The following APMAP variants were observed in gnomAD, a reference collection of about 807,000 sequenced individuals.
The protein encoded by APMAP is adipocyte plasma membrane associated protein.
Under a neutral mutation model 43.6 loss-of-function variants are expected in APMAP, and 33 were observed. The observed-to-expected ratio is 0.76, with a 90% CI of 0.57 to 1.01. APMAP has a LOEUF of 1.01. Ranked by LOEUF, APMAP falls within the 50% of genes least tolerant of loss-of-function variation. APMAP has a pLI of 0.00. For synonymous variants in APMAP, 224 were observed against 216.7 expected (o/e 1.03, Z -0.30); for missense variants, 498 against 540.7 (o/e 0.92, Z 0.78).
In APMAP at chr20:24,978,810, A is replaced by T; in HGVS notation, c.285T>A (p.Phe95Leu). ...ACTCCGGTCCAACAAGTTGATTTTCAAACAGCCTTTCTGCCTGTCGCAGCT... is the reference window on the plus strand; with the variant it reads ...ACTCCGGTCCAACAAGTTGATTTTCTAACAGCCTTTCTGCCTGTCGCAGCT... Reference protein sequence around the residue: ...NTKLRQAERLFENQLVGPESI... With the variant: ...NTKLRQAERLLENQLVGPESI... The change falls in exon 3 of 9, where the codon TTT becomes TTA. Residue 95 changes from phenylalanine (F) to leucine (L), a missense_variant. Coordinates refer to ENST00000217456, the MANE Select transcript of APMAP (RefSeq NM_020531.3). The T allele has an allele frequency of 6.2e-7, 1 of 1,602,184 alleles. No homozygotes were observed. Among genetic ancestry groups the T allele is most frequent in the Non-Finnish European group, 8.5e-7 (1 of 1,173,520 alleles).
chr20:24,992,612 G>C lies in APMAP; in HGVS notation c.77C>G (p.Pro26Arg). The change falls in exon 1 of 9, where the codon CCG becomes CGG. Residue 26 changes from proline (P) to arginine (R), a missense_variant. Coordinates refer to ENST00000217456, the MANE Select transcript of APMAP (RefSeq NM_020531.3). Reference sequence around the variant, plus strand: ...GCCCTACCTGCCGTCCTTAGCCTCCGGGGCCTGGCCATCATCGTCTGTGAC... The same window carrying C: ...GCCCTACCTGCCGTCCTTAGCCTCCCGGGCCTGGCCATCATCGTCTGTGAC... ...QVVTDDDGQA[P>R]EAKDGSSFSG... The C allele has an allele frequency of 6.4e-7, 1 of 1,564,806 alleles. No homozygotes were observed. The highest frequency in any genetic ancestry group is 8.7e-7 in the Non-Finnish European group (1 of 1,155,320).
At chr20:24,977,579 C>T (rs1333302382) in intron 3 of APMAP, among the ~76,000 whole-genome samples, 1 of 152,078 alleles carries the variant, frequency 6.6e-6, no homozygotes, top group Non-Finnish European at 1.5e-5. Flanking sequence ...CAGAGAGGAC[C>T]CCACTGTGCC....
chr20:24,969,580 G>GACAGCTGGACTCCATTCGGGAACC lies in APMAP; in HGVS notation c.770_793dup (p.Leu264_Ser265insTrpPheProAsnGlyValGlnLeu), dbSNP rs1228814898. On this transcript the variant is annotated inframe_insertion, in exon 7 of 9. Transcript: ENST00000217456. ...CACCAGGACAAAGTCTTCTGCAGGA[G>GACAGCTGGACTCCATTCGGGAACC]ACAGCTGGACTCCATTCGGGAACCG... The GACAGCTGGACTCCATTCGGGAACC allele has an allele frequency of 6.2e-7, 1 of 1,614,046 alleles. No individual in the cohort carries two copies. The highest frequency in any genetic ancestry group is 2.2e-5 in the East Asian group (1 of 44,874).
intron 6 of APMAP, 69 bp downstream of exon 6, chr20:24,970,128 C>G: frequency 7.7e-6 from 12 of 1,563,908 alleles, no homozygotes; most frequent in Non-Finnish European, 1.1e-5. Flanking sequence ...CTAGAAGTAA[C>G]AGGCTCTGCT....
In APMAP at chr20:24,971,581, A is replaced by G. The variant is rs1466024261; in HGVS notation, c.422-5T>C. On this transcript the variant is annotated splice_region_variant and splice_polypyrimidine_tract_variant and intron_variant, in intron 4 of 8. Coordinates refer to ENST00000217456, the MANE Select transcript of APMAP (RefSeq NM_020531.3). ...CAGGCTCATCATCTCGGGTTTCTAG[A>G]AAAACAAACAGATGGGGATTGGTAG... is the stretch of plus-strand genomic sequence containing the variant. 1.2e-6 allele frequency: 2 copies of G among 1,611,500 alleles called. No individual in the cohort carries two copies. The highest frequency in any genetic ancestry group is 1.7e-6 in the Non-Finnish European group (2 of 1,177,652).
chr20:24,983,496 G>A (rs957341086), intron 2 of APMAP, among the ~76,000 whole-genome samples: 13 of 152,148 alleles, frequency 8.5e-5, no homozygotes, highest in Admixed American at 8.5e-4. Flanking sequence ...ATCTCTATCG[G>A]TGAAAGGTAA....
In APMAP at chr20:24,969,671, C is replaced by T; in HGVS notation, c.714-11G>A. ...TCATACTCCAGCAGGCTGTGGAACA[C>T]CAAAAGCAGAGGGTTATGGGGGAGA... is the stretch of plus-strand genomic sequence containing the variant. On this transcript the variant is annotated splice_polypyrimidine_tract_variant and intron_variant, in intron 6 of 8. Transcript: ENST00000217456. 1 of 1,606,688 alleles carries T rather than the reference C, an allele frequency of 6.2e-7. No homozygotes were observed. Among genetic ancestry groups the T allele is most frequent in the Non-Finnish European group, 8.5e-7 (1 of 1,174,442 alleles).
Position 24,969,031 on chromosome 20 carries a change from A to G in APMAP, c.902T>C (p.Met301Thr). The G allele has an allele frequency of 6.2e-7, 1 of 1,613,972 alleles. No individual in the cohort carries two copies. The highest frequency in any genetic ancestry group is 8.5e-7 in the Non-Finnish European group (1 of 1,179,976). The change falls in exon 8 of 9, where the codon ATG becomes ACG. Residue 301 changes from methionine (M) to threonine (T), a missense_variant. Physicochemically the swap from Met to Thr is moderately conservative, Grantham distance 81. Coordinates refer to ENST00000217456, the MANE Select transcript of APMAP (RefSeq NM_020531.3). Reference sequence around the variant, plus strand: ...CCGGATGTTGTCTGGAAATCCAGGCATGTTCTCCACAAACAGATCAGCCCC... The same window carrying G: ...CCGGATGTTGTCTGGAAATCCAGGCGTGTTCTCCACAAACAGATCAGCCCC... ...KGGADLFVEN[M>T]PGFPDNIRPS...
At chr20:24,964,077 G>A (rs762767449) in intron 8 of APMAP, 55 bp from the exon 9 acceptor site, 90 of 1,568,222 alleles carry the variant, frequency 5.7e-5, no homozygotes, top group Non-Finnish European at 7.5e-5. Context: ...AACACTGTGC[G>A]CAGATCAACC....
intron 1 of APMAP, among the ~76,000 whole-genome samples, chr20:24,989,011 A>G (rs2088170130): frequency 1.3e-5 from 2 of 151,884 alleles, no homozygotes; most frequent in Admixed American, 6.6e-5. Context: ...CCCAAGGTCC[A>G]TTAACTTTTC....
intron 1 of APMAP, among the ~76,000 whole-genome samples, chr20:24,988,318 T>G (rs1468705674): frequency 6.6e-6 from 1 of 152,220 alleles, no homozygotes; most frequent in Non-Finnish European, 1.5e-5. Context: ...AGCTTATATT[T>G]TTAAAATCTT....
chr20:24,989,466 C>CA (rs1026202879), intron 1 of APMAP, among the ~76,000 whole-genome samples: 9 of 152,282 alleles, frequency 5.9e-5, no homozygotes, highest in African/African-American at 2.2e-4. Context: ...ACTCTGCACA[C>CA]AGGACATTAG....
At chr20:24,983,860 A>G (rs1281909020) in intron 2 of APMAP, 43 bp downstream of exon 2, 6 of 1,364,496 alleles carry the variant, frequency 4.4e-6, no homozygotes, top group Admixed American at 2.0e-5. Flanking sequence ...AGCCTATTAC[A>G]TTTTGTCAAG....
Position 24,963,988 on chromosome 20 carries a change from G to C in APMAP, c.1076C>G (p.Pro359Arg). Residue 359 changes from proline to arginine, a missense_variant, in exon 9 of 9, where the codon CCG becomes CGG. Physicochemically the swap from Pro to Arg is moderately radical, Grantham distance 103. Transcript: ENST00000217456. Reference sequence around the variant, plus strand: ...GAGTTCTAGGACGAGGCTGTACCGCGGCACAAACTTCATCACCGTCTCTTG... The same window carrying C: ...GAGTTCTAGGACGAGGCTGTACCGCCGCACAAACTTCATCACCGTCTCTTG... ...FSQETVMKFV[P>R]RYSLVLELSD... 2 of 1,614,202 alleles carry C rather than the reference G, an allele frequency of 1.2e-6. No individual in the cohort carries two copies. Among genetic ancestry groups the C allele is most frequent in the South Asian group, 2.2e-5 (2 of 91,080 alleles).
intron 1 of APMAP, among the ~76,000 whole-genome samples, chr20:24,984,696 T>C (rs901415387): frequency 2.6e-5 from 4 of 152,262 alleles, no homozygotes; most frequent in African/African-American, 9.6e-5. Context: ...TGGGAAGATA[T>C]GAAAGCTTCC....
At position 24,969,076 on chromosome 20, in the gene APMAP, A is replaced by C. The variant is rs2087973859; in HGVS notation, c.857T>G (p.Val286Gly). 6.3e-7 allele frequency: 1 copy of C among 1,586,334 alleles called. No homozygotes were observed. The highest frequency in any genetic ancestry group is 8.6e-7 in the Non-Finnish European group (1 of 1,167,788). ...TTMARIRRVY[V>G]SGLMKGGADL... The stretch of plus-strand genomic sequence containing the variant: ...AGCCCCGCCCTTCATCAGGCCAGAA[A>C]CGTAGACTCTGAAAAATTCACCCAA... Residue 286 changes from valine to glycine, a missense_variant, in exon 8 of 9, where the codon GTT becomes GGT. Val to Gly is a moderately radical substitution (Grantham distance 109). Coordinates refer to ENST00000217456, the MANE Select transcript of APMAP (RefSeq NM_020531.3).
intron 1 of APMAP, among the ~76,000 whole-genome samples, chr20:24,990,814 G>A (rs1053929969): frequency 3.3e-5 from 5 of 152,108 alleles, no homozygotes; most frequent in Non-Finnish European, 7.3e-5. Flanking sequence ...TAATAATTGC[G>A]GAAAGGAAGG....
chr20:24,980,164 C>G (rs2088089615), intron 2 of APMAP, among the ~76,000 whole-genome samples: 1 of 152,220 alleles, frequency 6.6e-6, no homozygotes. Context: ...TGGCACCCAA[C>G]ATGGCACACA....
At chr20:24,969,483 C>T (rs1210782137) in intron 7 of APMAP, 43 bp downstream of exon 7, 2 of 1,559,896 alleles carry the variant, frequency 1.3e-6, no homozygotes, top group Non-Finnish European at 8.7e-7. Context: ...GGCCATGATG[C>T]GCTCTGGCCA....
Sources: gnomAD v4.1 joint callset for allele counts (sites outside exome capture counted in the v4.1 genomes callset) on GRCh38, gnomAD v4.1.1 for gene constraint, MANE v1.5 for transcripts, NCBI Gene and HGNC (gene_info 2026-07-23, HGNC 2026-07-21) for gene names.